USP32: variants seen among roughly 807,000 people sequenced by gnomAD.
USP32 encodes the protein ubiquitin specific peptidase 32.
USP32 carries 59 observed loss-of-function variants against 204.8 expected under a neutral mutation model. The observed-to-expected ratio is 0.29, with a 90% CI of 0.23 to 0.36. The LOEUF (loss-of-function observed/expected upper bound fraction) is 0.36. USP32 is among the 10% of genes least tolerant of loss of function. USP32 has a pLI of 1.00. For synonymous variants in USP32, 517 were observed against 678.4 expected (o/e 0.76, Z 3.70); for missense variants, 1,160 against 1,946.4 (o/e 0.60, Z 7.60).
intron 2 of USP32, chr17:60,315,866 C>T (rs988482942): frequency 1.3e-5 from 2 of 155,420 alleles, no homozygotes; most frequent in African/African-American, 4.8e-5. Context: ...TGCAAACTGA[C>T]CATGGTAAAG....
chr17:60,383,937 T>C (rs531306870), intron 1 of USP32, among the ~76,000 whole-genome samples: 1 of 152,344 alleles, frequency 6.6e-6, no homozygotes, highest in African/African-American at 2.4e-5. Flanking sequence ...ATACACTGAC[T>C]GTGTGAAACT....
chr17:60,200,197 C>T (rs890058536), intron 26 of USP32, among the ~76,000 whole-genome samples: 1 of 148,050 alleles, frequency 6.8e-6, no homozygotes, highest in African/African-American at 2.5e-5. Flanking sequence ...TCTGTCTCAA[C>T]CAAAAAAAAA....
chr17:60,257,634 C>A, intron 9 of USP32, among the ~76,000 whole-genome samples: 1 of 151,978 alleles, frequency 6.6e-6, no homozygotes, highest in East Asian at 1.9e-4. Flanking sequence ...CACAGGTTAC[C>A]AAAACTGGCT....
At chr17:60,279,474 T>C (rs902750287) in intron 5 of USP32, among the ~76,000 whole-genome samples, 1 of 147,436 alleles carries the variant, frequency 6.8e-6, no homozygotes, top group African/African-American at 2.5e-5. Flanking sequence ...AGCAAGACTC[T>C]GTCTCAAAAA....
chr17:60,365,102 A>G (rs1371779496), intron 1 of USP32, among the ~76,000 whole-genome samples: 2 of 152,174 alleles, frequency 1.3e-5, no homozygotes, highest in African/African-American at 4.8e-5. Flanking sequence ...AAATGAAGAA[A>G]ATGTTCATTG....
chr17:60,222,127 T>C (rs576695676), intron 15 of USP32, among the ~76,000 whole-genome samples: 2 of 152,328 alleles, frequency 1.3e-5, no homozygotes, highest in Admixed American at 1.3e-4. Flanking sequence ...TGGCACTGGC[T>C]CTTGGCCTGT....
intron 21 of USP32, among the ~76,000 whole-genome samples, chr17:60,210,736 A>G (rs1279003736): frequency 6.6e-6 from 1 of 152,292 alleles, no homozygotes; most frequent in Non-Finnish European, 1.5e-5. Flanking sequence ...ATTACCAAAA[A>G]AGGTTTACTC....
At chr17:60,318,595 A>G (rs1266850768) in intron 2 of USP32, among the ~76,000 whole-genome samples, 2 of 152,206 alleles carry the variant, frequency 1.3e-5, no homozygotes, top group Non-Finnish European at 2.9e-5. Flanking sequence ...ACTGTGACAA[A>G]ATCATTAGTG....
chr17:60,291,175 C>T (rs73993243), intron 4 of USP32, among the ~76,000 whole-genome samples: 1 of 152,330 alleles, frequency 6.6e-6, no homozygotes, highest in African/African-American at 2.4e-5. Flanking sequence ...AGTTAGCACA[C>T]TGCCTGTCTA....
intron 16 of USP32, among the ~76,000 whole-genome samples, chr17:60,218,984 C>T (rs1165589708): frequency 2.0e-5 from 3 of 152,150 alleles, no homozygotes; most frequent in Non-Finnish European, 2.9e-5. Context: ...TTTAACCTTA[C>T]AGAGAAATGA....
In USP32 at chr17:60,198,275, T is replaced by G; in HGVS notation, c.3419A>C (p.Asn1140Thr). ...ASPLPPQEAS[N>T]HAQDCDDSMG... ...CTGAACTCACCAATCCTGGGCATGA[T>G]TACTAGCTTCCTGAGGTGGGAGTGG... is the stretch of plus-strand genomic sequence containing the variant. The change falls in exon 27 of 34, where the codon AAT becomes ACT. Residue 1140 changes from asparagine (N) to threonine (T), a missense_variant. Around this residue, in one of 8 missense-constraint regions of USP32, gnomAD observed 160 missense variants for 322.5 expected, o/e 0.50. Coordinates refer to ENST00000300896, the MANE Select transcript of USP32 (RefSeq NM_032582.4). 6.2e-7 allele frequency: 1 copy of G among 1,614,114 alleles called. No individual in the cohort carries two copies. Among genetic ancestry groups the G allele is most frequent in the Non-Finnish European group, 8.5e-7 (1 of 1,179,978 alleles).
intron 1 of USP32, among the ~76,000 whole-genome samples, chr17:60,354,723 C>A (rs2089028531): frequency 6.6e-6 from 1 of 152,092 alleles, no homozygotes. Context: ...GACTTTGTGC[C>A]AAATGTCCAT....
intron 1 of USP32, among the ~76,000 whole-genome samples, chr17:60,350,940 A>C (rs2088932485): frequency 6.6e-6 from 1 of 152,098 alleles, no homozygotes; most frequent in African/African-American, 2.4e-5. Context: ...CAAGAGAGAC[A>C]CGAGAACCTA....
chr17:60,332,865 T>C (rs1233293193), intron 2 of USP32, among the ~76,000 whole-genome samples: 1 of 152,224 alleles, frequency 6.6e-6, no homozygotes, highest in Non-Finnish European at 1.5e-5. Flanking sequence ...TTGTTGCATA[T>C]ACCAATAGAG....
At chr17:60,301,320 G>A (rs1179582897) in intron 3 of USP32, 2 of 225,904 alleles carry the variant, frequency 8.9e-6, no homozygotes, top group Non-Finnish European at 1.7e-5. Context: ...CATCAGCAAT[G>A]TATGATGTGG....
rs1380311428 is a variant in USP32, at chr17:60,181,532, C to G, written c.4340G>C (p.Arg1447Pro). 1 of 1,613,872 alleles carries G rather than the reference C, an allele frequency of 6.2e-7. No homozygotes were observed. The highest frequency in any genetic ancestry group is 8.5e-7 in the Non-Finnish European group (1 of 1,179,878). ...TTGGCTGCCCCCCAGCACATGCCCT[C>G]GACTCAAGGCGTCAGCCAGCTCACA... ...QICELADALS[R>P]GHVLGGSQPE... Residue 1447 changes from arginine to proline, a missense_variant, in exon 32 of 34, where the codon CGA (arginine) becomes CCA (proline). Arg to Pro is a moderately radical substitution (Grantham distance 103). This residue lies in a region of USP32 where 244 missense variants were observed against 342.3 expected (regional missense o/e 0.71). Coordinates refer to ENST00000300896, the MANE Select transcript of USP32 (RefSeq NM_032582.4).
intron 25 of USP32, among the ~76,000 whole-genome samples, chr17:60,206,402 G>C (rs897121371): frequency 6.7e-6 from 1 of 149,548 alleles, no homozygotes; most frequent in Non-Finnish European, 1.5e-5. Flanking sequence ...AACAGTCCAC[G>C]TGACTGGTGG....
chr17:60,254,545 C>CA (rs1313893452), intron 10 of USP32, among the ~76,000 whole-genome samples: 1 of 151,922 alleles, frequency 6.6e-6, no homozygotes, highest in East Asian at 1.9e-4. Flanking sequence ...ACAAAAAATA[C>CA]AAAATTACCC....
chr17:60,207,258 A>G, intron 24 of USP32, 126 bp from the exon 25 acceptor site: 2 of 1,401,800 alleles, frequency 1.4e-6, no homozygotes, highest in South Asian at 3.0e-5. Context: ...AGATGATTGA[A>G]TAATTTTTCA....
Sources: gnomAD v4.1 joint callset for allele counts (sites outside exome capture counted in the v4.1 genomes callset) on GRCh38, gnomAD v4.1.1 for gene constraint, gnomAD v4.1.1 regional missense constraint, MANE v1.5 for transcripts, NCBI Gene and HGNC (gene_info 2026-07-23, HGNC 2026-07-21) for gene names.